PRKACA: variants seen among roughly 807,000 people sequenced by gnomAD.
PRKACA encodes cAMP-dependent protein kinase catalytic subunit alpha.
A neutral mutation model predicts 45.8 loss-of-function variants in PRKACA; 9 were observed. The ratio of observed to expected loss-of-function variants is 0.20; its 90% CI spans 0.12 to 0.34. The LOEUF is 0.34. Among genes scored for constraint, PRKACA ranks in the 10% least tolerant of loss-of-function variants. PRKACA has a pLI of 1.00. For missense variants in PRKACA, 238 were observed against 458.6 expected (o/e 0.52, Z 4.39); for synonymous variants, 160 against 178.6 (o/e 0.90, Z 0.83).
chr19:14,100,639 T>C (rs551800083), intron 5 of PRKACA, among the ~76,000 whole-genome samples, 187 bp downstream of exon 5: 2 of 152,274 alleles, frequency 1.3e-5, no homozygotes, highest in African/African-American at 4.8e-5. Flanking sequence ...GTTTGCTCTG[T>C]TTTGTTTTGT....
At chr19:14,105,031 G>C (rs1977561699) in intron 3 of PRKACA, among the ~76,000 whole-genome samples, 1 of 151,952 alleles carries the variant, frequency 6.6e-6, no homozygotes, top group African/African-American at 2.4e-5. Flanking sequence ...TCAGAGTTGA[G>C]AACTGTTGTA....
intron 1 of PRKACA, chr19:14,108,021 C>T (rs1977664573): frequency 1.0e-6 from 1 of 985,886 alleles, no homozygotes; most frequent in South Asian, 4.7e-5. Context: ...CCCGGCAGAC[C>T]CTGTGCCGGC....
intron 1 of PRKACA, among the ~76,000 whole-genome samples, chr19:14,113,731 A>G (rs1346710863): frequency 6.6e-6 from 1 of 152,020 alleles, no homozygotes; most frequent in Non-Finnish European, 1.5e-5. Flanking sequence ...CCTCCAGTGG[A>G]GCCTGGATTC....
At chr19:14,100,721 A>C in intron 5 of PRKACA, 105 bp downstream of exon 5, 2 of 1,085,744 alleles carry the variant, frequency 1.8e-6, no homozygotes, top group Non-Finnish European at 2.8e-6. Flanking sequence ...GACCACCTGC[A>C]TGTTGAAGTA....
At chr19:14,109,145 G>A (rs967683499) in intron 1 of PRKACA, among the ~76,000 whole-genome samples, 1 of 149,362 alleles carries the variant, frequency 6.7e-6, no homozygotes, top group Non-Finnish European at 1.5e-5. Context: ...TCAGGAGTTC[G>A]AGACCAGCCT....
chr19:14,117,458 T>G (rs1420937256), intron 1 of PRKACA, 44 bp downstream of exon 1: 1 of 1,256,930 alleles, frequency 8.0e-7, no homozygotes, highest in Non-Finnish European at 1.0e-6. Flanking sequence ...AGGCCAGGGC[T>G]GGCAGCGCAG....
At chr19:14,094,275 G>A (rs1433396551) in intron 8 of PRKACA, among the ~76,000 whole-genome samples, 1 of 146,380 alleles carries the variant, frequency 6.8e-6, no homozygotes, top group Non-Finnish European at 1.5e-5. Flanking sequence ...TGCAACCTCC[G>A]CCTCCTGGGT....
rs1193014630 is a variant in PRKACA at position 14,117,701 on chromosome 19, C to CCCGCGTCTCT, written c.-164_-155dup. The CCCGCGTCTCT allele has an allele frequency of 1.9e-4, 48 of 254,088 alleles. No homozygotes were observed. The Admixed American group carries it at 3.1e-3, about 17-fold the overall frequency. The allele number at this position is 254,088 out of a possible 1,614,324, so 15.7% of individuals were successfully genotyped here. The stretch of plus-strand genomic sequence containing the variant: ...CGCGACCCCCGCCCAGCCCCTGCTT[C>CCCGCGTCTCT]CCGCGTCTCTCCGCGCCCGCCCGCC... On this transcript the variant is annotated 5_prime_UTR_variant, in exon 1 of 10. Coordinates refer to ENST00000308677, the MANE Select transcript of PRKACA (RefSeq NM_002730.4).
chr19:14,097,006 C>G lies in PRKACA; in HGVS notation c.765+355G>C, dbSNP rs1228279252. ...TATGGACAGCACCTGGGAACAGGAA[C>G]CAAATACATTCGTTTTTCTGCCTTG... On this transcript the variant is annotated intron_variant, in intron 8 of 9. Coordinates refer to ENST00000308677, the MANE Select transcript of PRKACA (RefSeq NM_002730.4). This position sits in a 1 kb window ranked among gnomAD's most constrained non-coding sequence, Gnocchi z 5.4. The G allele has an allele frequency of 5.6e-5, 20 of 356,746 alleles. No homozygotes were observed. Among genetic ancestry groups the G allele is most frequent in the Non-Finnish European group, 9.3e-5 (17 of 182,584 alleles). The allele number at this position is 356,746 out of a possible 1,614,324, so 22.1% of individuals were successfully genotyped here.
intron 1 of PRKACA, among the ~76,000 whole-genome samples, chr19:14,115,499 C>T (rs1029935475): frequency 2.6e-5 from 4 of 152,082 alleles, no homozygotes; most frequent in Non-Finnish European, 5.9e-5. Context: ...TACCAGAGGG[C>T]TCCTTTGGAA....
At chr19:14,114,042 C>T in intron 1 of PRKACA, 3 of 1,407,626 alleles carry the variant, frequency 2.1e-6, no homozygotes, top group Non-Finnish European at 2.0e-6. Context: ...TTCTTCTCTT[C>T]GCCTGTGCCC....
At chr19:14,116,691 G>C (rs1294483622) in intron 1 of PRKACA, among the ~76,000 whole-genome samples, 2 of 152,076 alleles carry the variant, frequency 1.3e-5, no homozygotes, top group Non-Finnish European at 2.9e-5. Context: ...GCAGGAAAGA[G>C]GATGCAATGA....
chr19:14,103,332 T>G (rs1416282680), intron 3 of PRKACA, among the ~76,000 whole-genome samples: 1 of 152,026 alleles, frequency 6.6e-6, no homozygotes, highest in Non-Finnish European at 1.5e-5. Context: ...GGTGGGGGGT[T>G]TAGGACCTGC....
intron 1 of PRKACA, 89 bp downstream of exon 1, chr19:14,117,413 G>T (rs1967132015): frequency 2.5e-6 from 3 of 1,193,192 alleles, no homozygotes; most frequent in Non-Finnish European, 2.1e-6. Context: ...AGGATGAGGG[G>T]CCCCGTAGGG....
intron 1 of PRKACA, among the ~76,000 whole-genome samples, chr19:14,117,219 G>T (rs1967126605): frequency 1.3e-5 from 2 of 151,982 alleles, no homozygotes; most frequent in Admixed American, 1.3e-4. Flanking sequence ...GCTGGTGACA[G>T]GGGCCCATGT....
chr19:14,103,192 G>A (rs1283812601), intron 3 of PRKACA, among the ~76,000 whole-genome samples: 4 of 152,062 alleles, frequency 2.6e-5, no homozygotes, highest in African/African-American at 9.7e-5. Flanking sequence ...TTGGGGTTGT[G>A]GAGAAGCAGC....
intron 1 of PRKACA, among the ~76,000 whole-genome samples, chr19:14,109,300 T>C (rs1419554253): frequency 6.6e-6 from 1 of 151,704 alleles, no homozygotes; most frequent in South Asian, 2.1e-4. Flanking sequence ...GTGGTCAACA[T>C]GGTAAAACCC....
chr19:14,114,075 C>T lies in PRKACA; in HGVS notation c.46+3427G>A. The T allele has an allele frequency of 2.6e-6, 4 of 1,565,114 alleles. No individual in the cohort carries two copies. The South Asian group carries it at 3.4e-5, about 13-fold the overall frequency. ...CCCCAGACCCCGCTGCAGCCCCTCC[C>T]TGACTTAAGGGGCAGAGTGTGCCTA... On this transcript the variant is annotated intron_variant, in intron 1 of 9. Coordinates refer to ENST00000308677, the MANE Select transcript of PRKACA (RefSeq NM_002730.4).
intron 3 of PRKACA, among the ~76,000 whole-genome samples, chr19:14,104,792 G>A (rs528870936): frequency 2.2e-4 from 34 of 152,082 alleles, no homozygotes; most frequent in African/African-American, 8.2e-4. Flanking sequence ...AGAATCGCTT[G>A]AAACCCGGAG....
Sources: gnomAD v4.1 joint callset for allele counts (sites outside exome capture counted in the v4.1 genomes callset) on GRCh38, gnomAD v4.1.1 for gene constraint, Gnocchi (gnomAD v3.1) non-coding constraint, MANE v1.5 for transcripts, NCBI Gene and HGNC (gene_info 2026-07-23, HGNC 2026-07-21) for gene names.